Variants in AGTPBP1 observed in about 807,000 individuals in gnomAD.
AGTPBP1 encodes the protein cytosolic carboxypeptidase 1.
A neutral mutation model predicts 143.9 loss-of-function variants in AGTPBP1; 70 were observed. The observed-to-expected ratio is 0.49, with a 90% confidence interval of 0.40 to 0.59. The LOEUF (loss-of-function observed/expected upper bound fraction) is 0.59. AGTPBP1 is among the 20% of genes least tolerant of loss of function. AGTPBP1 has a pLI of 0.00. For missense variants in AGTPBP1, 1,229 were observed against 1,464.5 expected (o/e 0.84, Z 2.62); for synonymous variants, 463 against 500.2 (o/e 0.93, Z 0.99).
At chr9:85,774,000 G>A in the AGTPBP1 span, 15 of 1,610,376 alleles carry the variant, frequency 9.3e-6, no homozygotes, top group Admixed American at 1.3e-4. Context: ...AAAGGAGCAC[G>A]AACAAAAGAT....
chr9:85,605,055 T>C (rs964655025), intron 17 of AGTPBP1, among the ~76,000 whole-genome samples: 1 of 152,092 alleles, frequency 6.6e-6, no homozygotes, highest in Admixed American at 6.5e-5. Flanking sequence ...GAGGAAGAGA[T>C]AAGGTAAAAA....
Position 85,655,316 on chromosome 9 carries a change from C to T in AGTPBP1, c.914G>A (p.Cys305Tyr). 1 of 1,499,316 alleles carries T rather than the reference C, an allele frequency of 6.7e-7. No individual in the cohort carries two copies. Among genetic ancestry groups the T allele is most frequent in the Non-Finnish European group, 8.9e-7 (1 of 1,125,516 alleles). The allele number at this position is 1,499,316 out of a possible 1,614,324, so 92.9% of individuals were successfully genotyped here. A position where few individuals can be genotyped will look rare whatever the true frequency, so the allele number is the denominator to read the frequency against. ...MKILYNTSQE[C>Y]LAVRTLDPLV... Reference sequence around the variant, plus strand: ...AGGATCCAGAGTCCTGACTGCCAGACATTCCTGTTTTTTAAAAAAAGAAAA... The same window carrying T: ...AGGATCCAGAGTCCTGACTGCCAGATATTCCTGTTTTTTAAAAAAAGAAAA... Residue 305 changes from cysteine (C) to tyrosine (Y), a missense_variant, in exon 11 of 26, where the codon TGT becomes TAT. Physicochemically the swap from Cys to Tyr is radical, Grantham distance 194. Around this residue, in one of 2 missense-constraint regions of AGTPBP1, gnomAD observed 743 missense variants for 812.2 expected, o/e 0.91. Coordinates refer to ENST00000357081, the MANE Select transcript of AGTPBP1 (RefSeq NM_001330701.2).
chr9:85,659,942 CTGAG>C (rs1157394202), intron 9 of AGTPBP1, among the ~76,000 whole-genome samples: 3 of 152,070 alleles, frequency 2.0e-5, no homozygotes, highest in African/African-American at 7.2e-5. Context: ...GCTAATCTAA[CTGAG>C]TGTCATACAT....
intron 2 of AGTPBP1, among the ~76,000 whole-genome samples, chr9:85,698,120 T>C (rs1036604041): frequency 6.6e-6 from 1 of 152,100 alleles, no homozygotes; most frequent in Non-Finnish European, 1.5e-5. Flanking sequence ...ATAAAACATC[T>C]ATTCAAAAAA....
the AGTPBP1 span, chr9:85,791,373 CAAA>C: frequency 2.0e-4 from 17 of 83,750 alleles, no homozygotes; most frequent in Admixed American, 1.5e-3. Context: ...GACTCCGTCT[CAAA>C]AAAAAAAAAA....
intron 13 of AGTPBP1, among the ~76,000 whole-genome samples, chr9:85,636,159 C>T (rs1832028467): frequency 6.6e-6 from 1 of 151,772 alleles, no homozygotes; most frequent in Admixed American, 6.6e-5. Context: ...TGAAAAAGAC[C>T]TACCAGAATC....
At chr9:85,612,648 G>A (rs1354140688) in intron 17 of AGTPBP1, among the ~76,000 whole-genome samples, 1 of 152,152 alleles carries the variant, frequency 6.6e-6, no homozygotes. Flanking sequence ...ATGGTAACCT[G>A]GGGACCCACT....
intron 11 of AGTPBP1, among the ~76,000 whole-genome samples, chr9:85,653,076 A>T (rs530332157): frequency 2.0e-5 from 3 of 152,174 alleles, no homozygotes; most frequent in Non-Finnish European, 4.4e-5. Flanking sequence ...ATAATAATAA[A>T]GACTGTGAAA....
At chr9:85,748,421 T>A in the AGTPBP1 span, among the ~76,000 whole-genome samples, 2 of 152,198 alleles carry the variant, frequency 1.3e-5, no homozygotes, top group Admixed American at 1.3e-4. Context: ...TAGGATACTT[T>A]TCCGTGGCTG....
chr9:85,629,950 A>G (rs543347632), intron 14 of AGTPBP1, among the ~76,000 whole-genome samples: 12 of 152,344 alleles, frequency 7.9e-5, no homozygotes, highest in South Asian at 4.1e-4. Context: ...CTTTTCTACA[A>G]TCCTTCTTCC....
chr9:85,706,416 C>T (rs1274959603), intron 2 of AGTPBP1, among the ~76,000 whole-genome samples: 2 of 149,944 alleles, frequency 1.3e-5, no homozygotes, highest in Admixed American at 1.3e-4. Context: ...GAAGCTGAGG[C>T]AGAGAATTGC....
In AGTPBP1 at chr9:85,655,133, G is replaced by C. The variant is rs1468998397; in HGVS notation, c.1087+10C>G. The C allele has an allele frequency of 2.5e-6, 4 of 1,600,878 alleles. No individual in the cohort carries two copies. The highest frequency in any genetic ancestry group is 3.4e-6 in the Non-Finnish European group (4 of 1,174,448). ...ACCCACAAAAAGCAGCAGTGACCCT[G>C]TGATCCTACCTTCAGGAGGTAAGCT... is the stretch of plus-strand genomic sequence containing the variant. On this transcript the variant is annotated intron_variant, in intron 11 of 25. Transcript: ENST00000357081.
chr9:85,786,686 G>C, the AGTPBP1 span: 4 of 1,225,936 alleles, frequency 3.3e-6, no homozygotes, highest in East Asian at 1.0e-4. Context: ...CATAAAGGAA[G>C]AAGGGGAGGA....
rs370139030 is a variant in AGTPBP1 at position 85,731,882 on chromosome 9, T to C, written c.-34+9893A>G. Among the ~76,000 whole-genome samples the C allele has an allele frequency of 2.4e-4, 36 of 152,318 alleles. No individual in the cohort carries two copies. In the South Asian group the frequency reaches 7.3e-3, roughly 31 times the overall value. On this transcript the variant is annotated intron_variant, in intron 1 of 25. Transcript: ENST00000357081. ...AAAGCTTATGTATCTTTCCTGATCA[T>C]GCATTCTTATCAAAACCAAACAAAT...
intron 25 of AGTPBP1, among the ~76,000 whole-genome samples, chr9:85,563,525 TTA>T (rs2132878682): frequency 6.6e-6 from 1 of 152,318 alleles, no homozygotes; most frequent in Non-Finnish European, 1.5e-5. Context: ...TCTTGATTGC[TTA>T]TAGTAAAATG....
intron 18 of AGTPBP1, among the ~76,000 whole-genome samples, chr9:85,595,770 G>A (rs1829261401): frequency 6.6e-6 from 1 of 151,908 alleles, no homozygotes; most frequent in Non-Finnish European, 1.5e-5. Context: ...CAGGTGATCT[G>A]CCCACCTCAC....
the AGTPBP1 span, among the ~76,000 whole-genome samples, chr9:85,750,199 T>C: frequency 1.3e-5 from 2 of 152,096 alleles, no homozygotes; most frequent in Admixed American, 6.6e-5. Flanking sequence ...CAAACAGAAA[T>C]AGTAGAGAGT....
intron 10 of AGTPBP1, among the ~76,000 whole-genome samples, chr9:85,655,937 C>T (rs574451069): frequency 6.6e-6 from 1 of 152,292 alleles, no homozygotes; most frequent in East Asian, 1.9e-4. Context: ...ATACCATTCT[C>T]CTGCCTCAGC....
At position 85,557,232 on chromosome 9, in the gene AGTPBP1, A is replaced by C. The variant is rs1003554099; in HGVS notation, c.3504-9946T>G. 2.0e-5 allele frequency among the ~76,000 whole-genome samples: 3 copies of C among 152,304 alleles called. No homozygotes were observed. The South Asian group carries it at 6.2e-4, about 32-fold the overall frequency. On this transcript the variant is annotated intron_variant, in intron 25 of 25. Coordinates refer to ENST00000357081, the MANE Select transcript of AGTPBP1 (RefSeq NM_001330701.2). ...GATACCTATCTACATCTCAATTATA[A>C]GGATCATTTACTTATGACAAGGCTC... is the stretch of plus-strand genomic sequence containing the variant.
Sources: allele counts gnomAD v4.1 joint callset (sites outside exome capture counted in the v4.1 genomes callset), GRCh38; gene constraint gnomAD v4.1.1; regional missense constraint gnomAD v4.1.1; transcripts MANE v1.5; gene names NCBI Gene and HGNC (gene_info 2026-07-23, HGNC 2026-07-21).